CHD5: variants seen among roughly 807,000 people sequenced by gnomAD.
CHD5 encodes ATP-dependent chromatin remodeler CHD5.
CHD5 carries 69 observed loss-of-function variants against 230.3 expected under a neutral mutation model. That is an observed-to-expected ratio of 0.30 (90% CI 0.25 to 0.37). CHD5 has a LOEUF of 0.37. Ranked by LOEUF, CHD5 falls within the 10% of genes least tolerant of loss-of-function variation. The probability of loss-of-function intolerance (pLI) is 1.00; values close to 1 mark genes in which losing one functional copy is unlikely to be tolerated. For synonymous variants in CHD5, 1,064 were observed against 1,065.9 expected, an observed-to-expected ratio of 1.00 and a Z score of 0.03; for missense variants, 1,827 against 2,622.8, an observed-to-expected ratio of 0.70 and a Z score of 6.63.
chr1:6,150,235 A>C (rs1210245170), intron 7 of CHD5, among the ~76,000 whole-genome samples: 24 of 148,632 alleles, frequency 1.6e-4, no homozygotes, highest in African/African-American at 5.0e-5. Flanking sequence ...ATGGATGGAC[A>C]AATGAATGGA....
rs1666916851 is a variant in CHD5, at chr1:6,146,659, A to G, written c.1590+6T>C. The G allele has an allele frequency of 6.2e-7, 1 of 1,613,480 alleles. No homozygotes were observed. Among genetic ancestry groups the G allele is most frequent in the African/African-American group, 1.3e-5 (1 of 74,900 alleles). Reference sequence around the variant, plus strand: ...CCTTAGCACAGCCACCCTCCCGGGCACTCACCTGTAGCTCCTTCACCCAGG... The same window carrying G: ...CCTTAGCACAGCCACCCTCCCGGGCGCTCACCTGTAGCTCCTTCACCCAGG... On this transcript the variant is annotated splice_donor_region_variant and intron_variant, in intron 10 of 41. Coordinates refer to ENST00000262450, the MANE Select transcript of CHD5 (RefSeq NM_015557.3). The surrounding 1 kb of genome is among the most constrained non-coding windows in gnomAD (Gnocchi z 5.1).
chr1:6,165,030 A>C (rs570452454), intron 2 of CHD5, among the ~76,000 whole-genome samples: 152 of 152,314 alleles, frequency 1.0e-3, no homozygotes, highest in African/African-American at 3.5e-3. Flanking sequence ...GACAAGAGCC[A>C]GAGAGAGATA....
chr1:6,164,388 G>C (rs1667221427), intron 2 of CHD5, among the ~76,000 whole-genome samples: 1 of 152,242 alleles, frequency 6.6e-6, no homozygotes, highest in African/African-American at 2.4e-5. Flanking sequence ...GGTAACCGCT[G>C]CAGTACAGGT....
Position 6,110,003 on chromosome 1 carries a change from C to G in CHD5, c.5383-13G>C, listed in dbSNP as rs139112464. On this transcript the variant is annotated splice_polypyrimidine_tract_variant and intron_variant, in intron 37 of 41. Transcript: ENST00000262450. ...CCTGCTCCAGCAGCTGGGGGCGGGG[C>G]GCAGCGTCGGCCCGGCCCCTCCCGC... The G allele has an allele frequency of 1.8e-5, 28 of 1,519,404 alleles. No homozygotes were observed. Among genetic ancestry groups the G allele is most frequent in the Admixed American group, 4.4e-5 (2 of 45,238 alleles). The allele number at this position is 1,519,404 out of a possible 1,614,324, so 94.1% of individuals were successfully genotyped here.
Position 6,134,513 on chromosome 1 carries a change from G to C in CHD5, c.3012+205C>G, listed in dbSNP as rs563393346. On this transcript the variant is annotated intron_variant, in intron 19 of 41. Coordinates refer to ENST00000262450, the MANE Select transcript of CHD5 (RefSeq NM_015557.3). The surrounding 1 kb of genome is among the most constrained non-coding windows in gnomAD (Gnocchi z 6.3). ...CGCACCAGCCCTACCACAGCAGCGGGTTCCACGGTAAGTTCCCCAGCACCT... is the reference window on the plus strand; with the variant it reads ...CGCACCAGCCCTACCACAGCAGCGGCTTCCACGGTAAGTTCCCCAGCACCT... 2.0e-5 allele frequency among the ~76,000 whole-genome samples: 3 copies of C among 152,302 alleles called. No homozygotes were observed. The highest frequency in any genetic ancestry group is 7.2e-5 in the African/African-American group (3 of 41,572).
rs1489328503 is a variant in CHD5, at chr1:6,155,460, G to A, written c.506+139C>T. On this transcript the variant is annotated intron_variant, in intron 4 of 41. Transcript: ENST00000262450. The surrounding 1 kb of genome is among the most constrained non-coding windows in gnomAD (Gnocchi z 4.0). ...GAAGGGGTCCTGCCCCCTCCCTCCA[G>A]CTCCCCCAGGTTGCTCAGTCGGTCT... The A allele has an allele frequency of 4.4e-6, 3 of 678,744 alleles. No homozygotes were observed. The highest frequency in any genetic ancestry group is 7.7e-6 in the Non-Finnish European group (3 of 387,208). The allele number at this position is 678,744 out of a possible 1,614,324, so 42.0% of individuals were successfully genotyped here. A position where few individuals can be genotyped will look rare whatever the true frequency, so the allele number is the denominator to read the frequency against.
chr1:6,121,943 G>C lies in CHD5; in HGVS notation c.4700-370C>G, dbSNP rs1666479045. Reference sequence around the variant, plus strand: ...GGCGGGCTGGCTGGTGTGTGCCTCTGGACAGGGGGTGAATTTCCTCCCTGC... The same window carrying C: ...GGCGGGCTGGCTGGTGTGTGCCTCTCGACAGGGGGTGAATTTCCTCCCTGC... On this transcript the variant is annotated intron_variant, in intron 31 of 41. Transcript: ENST00000262450. This position sits in a 1 kb window ranked among gnomAD's most constrained non-coding sequence, Gnocchi z 4.5. Among the ~76,000 whole-genome samples the C allele has an allele frequency of 6.6e-6, 1 of 152,212 alleles. No individual in the cohort carries two copies. Among genetic ancestry groups the C allele is most frequent in the Admixed American group, 6.5e-5 (1 of 15,284 alleles).
At chr1:6,136,477 G>A (rs773233170) in intron 17 of CHD5, 40 bp downstream of exon 17, 21 of 1,607,316 alleles carry the variant, frequency 1.3e-5, no homozygotes, top group Non-Finnish European at 1.8e-5. Context: ...GGGCCACCCA[G>A]CCCCACCACC....
intron 11 of CHD5, 53 bp from the exon 12 acceptor site, chr1:6,144,208 G>A: frequency 1.9e-6 from 3 of 1,605,154 alleles, no homozygotes; most frequent in Non-Finnish European, 2.6e-6. Flanking sequence ...CACAGCACAG[G>A]TTTGATGAAG....
At chr1:6,169,429 A>G (rs1571173129) in intron 1 of CHD5, among the ~76,000 whole-genome samples, 1 of 152,208 alleles carries the variant, frequency 6.6e-6, no homozygotes, top group African/African-American at 2.4e-5. Flanking sequence ...GTTTGACGAC[A>G]CTGGCCACAG....
rs756564028 is a variant in CHD5 at position 6,136,607 on chromosome 1, T to C, written c.2606A>G (p.Asp869Gly). The C allele has an allele frequency of 6.2e-7, 1 of 1,614,170 alleles. No individual in the cohort carries two copies. The highest frequency in any genetic ancestry group is 1.1e-5 in the South Asian group (1 of 91,082). The change falls in exon 17 of 42, where the codon GAT (aspartate) becomes GGT (glycine). Residue 869 changes from aspartate to glycine, a missense_variant. Physicochemically the swap from Asp to Gly is moderately conservative, Grantham distance 94 (BLOSUM62 -1). Around this residue, in one of 14 missense-constraint regions of CHD5, gnomAD observed 52 missense variants for 164.5 expected, o/e 0.32. Transcript: ENST00000262450. ...GGTCCCTGTCAGCAGCAGCTTGTAA[T>C]CAATCTTGTAGCTGTTTAAGACCCT... ...FFRVLNSYKI[D>G]YKLLLTGTPL... is the part of the protein sequence containing the mutation.
Position 6,130,084 on chromosome 1 carries a change from A to C in CHD5, c.3387+120T>G. On this transcript the variant is annotated intron_variant, in intron 22 of 41. Transcript: ENST00000262450. The surrounding 1 kb of genome is among the most constrained non-coding windows in gnomAD (Gnocchi z 4.9). ...GGGGCCGAGACTCCACGGGGGAGGG[A>C]GGCCCACAGCACCAGGATAGGTGAG... The C allele has an allele frequency of 2.6e-6, 3 of 1,164,808 alleles. No individual in the cohort carries two copies. Among genetic ancestry groups the C allele is most frequent in the Non-Finnish European group, 3.7e-6 (3 of 807,452 alleles). The allele number at this position is 1,164,808 out of a possible 1,614,324, so 72.2% of individuals were successfully genotyped here.
chr1:6,157,360 G>C (rs1436674839), intron 3 of CHD5, among the ~76,000 whole-genome samples: 2 of 152,218 alleles, frequency 1.3e-5, no homozygotes, highest in Non-Finnish European at 2.9e-5. Context: ...CCACAAGAAT[G>C]CTCAGCCATG....
rs1666478616 is a variant in CHD5 at position 6,121,920 on chromosome 1, C to CG, written c.4700-348dup. 6.6e-6 allele frequency among the ~76,000 whole-genome samples: 1 copy of CG among 152,208 alleles called. No individual in the cohort carries two copies. Among genetic ancestry groups the CG allele is most frequent in the South Asian group, 2.1e-4 (1 of 4,834 alleles). ...ACCCGCTCTGGTCCCAGCTTTCGGG[C>CG]GGGCTGGCTGGTGTGTGCCTCTGGA... On this transcript the variant is annotated intron_variant, in intron 31 of 41. Transcript: ENST00000262450. This position sits in a 1 kb window ranked among gnomAD's most constrained non-coding sequence, Gnocchi z 4.5.
At chr1:6,174,666 CGGT>C (rs1299655071) in intron 1 of CHD5, among the ~76,000 whole-genome samples, 1 of 117,220 alleles carries the variant, frequency 8.5e-6, no homozygotes, top group Non-Finnish European at 1.7e-5. Context: ...GATGGATAGA[CGGT>C]GGGTGGAAGG....
At chr1:6,173,454 A>G (rs74224514) in intron 1 of CHD5, among the ~76,000 whole-genome samples, 10,452 of 151,962 alleles carry the variant, frequency 0.069, 516 homozygotes, top group East Asian at 0.16. Flanking sequence ...AGCAACAAGC[A>G]GAGAACAAGG....
intron 37 of CHD5, 150 bp downstream of exon 37, chr1:6,110,244 G>C (rs570268570): frequency 1.6e-4 from 146 of 904,118 alleles, no homozygotes; most frequent in Non-Finnish European, 2.3e-4. Context: ...ATCCACCACT[G>C]TTAGTTGATG....
At chr1:6,161,709 G>C (rs1289396192) in intron 2 of CHD5, among the ~76,000 whole-genome samples, 4 of 152,216 alleles carry the variant, frequency 2.6e-5, no homozygotes. Flanking sequence ...GAGGGTGTCA[G>C]AGTTTGGCCA....
intron 13 of CHD5, among the ~76,000 whole-genome samples, chr1:6,143,360 C>T (rs1294448111): frequency 2.0e-5 from 3 of 152,192 alleles, no homozygotes; most frequent in Admixed American, 1.3e-4. Context: ...TGCTCCAGGT[C>T]ACTGGCCCCA....
Sources: gnomAD v4.1 joint callset for allele counts (sites outside exome capture counted in the v4.1 genomes callset) on GRCh38, gnomAD v4.1.1 for gene constraint, gnomAD v4.1.1 regional missense constraint, Gnocchi (gnomAD v3.1) non-coding constraint, MANE v1.5 for transcripts, NCBI Gene and HGNC (gene_info 2026-07-23, HGNC 2026-07-21) for gene names.